LIME1: variants seen among roughly 807,000 people sequenced by gnomAD.
LIME1 encodes lck-interacting transmembrane adapter 1.
In LIME1, 23 loss-of-function variants were observed where a neutral mutation model predicts 18.8. The observed-to-expected ratio is 1.22, with a 90% CI of 0.88 to 1.73. LIME1 has a LOEUF of 1.73. LIME1 is among the 40% of genes most tolerant of loss of function. LIME1 has a pLI of 0.00. For synonymous variants in LIME1, 177 were observed against 182.3 expected, an observed-to-expected ratio of 0.97 and a Z score of 0.23; for missense variants, 423 against 396.8, an observed-to-expected ratio of 1.07 and a Z score of -0.56.
chr20:63,738,944 C>A lies in LIME1; in HGVS notation c.*44C>A. On this transcript the variant is annotated 3_prime_UTR_variant, in exon 6 of 6. Coordinates refer to ENST00000309546, the MANE Select transcript of LIME1 (RefSeq NM_017806.4). ...TCCTTCCTCCAGAGTGAGGCCCGTC[C>A]CCCGCCCCGCCCCGCCTCACAGCTG... 1 of 1,414,082 alleles carries A rather than the reference C, an allele frequency of 7.1e-7. No homozygotes were observed. The highest frequency in any genetic ancestry group is 9.4e-7 in the Non-Finnish European group (1 of 1,065,844). The allele number at this position is 1,414,082 out of a possible 1,614,324, so 87.6% of individuals were successfully genotyped here.
rs1163073943 is a variant in LIME1, at chr20:63,738,481, G to A, written c.567G>A (p.Glu189=). Residue 189 remains glutamate (E), a synonymous_variant, in exon 5 of 6, where the codon GAG becomes GAA. Coordinates refer to ENST00000309546, the MANE Select transcript of LIME1 (RefSeq NM_017806.4). The part of the protein sequence containing the change: ...SPQEPQQGKT[E]VTPAAQVDVL... ...AAGAGCCACAGCAGGGGAAGACTGA[G>A]GTGACCCCGGCCGCTCAGGTAACGT... 4 of 1,518,672 alleles carry A rather than the reference G, an allele frequency of 2.6e-6. No individual in the cohort carries two copies. The highest frequency in any genetic ancestry group is 3.5e-6 in the Non-Finnish European group (4 of 1,134,006). The allele number at this position is 1,518,672 out of a possible 1,614,324, so 94.1% of individuals were successfully genotyped here.
intron 4 of LIME1, 41 bp downstream of exon 4, chr20:63,738,101 C>G (rs566864132): frequency 6.6e-7 from 1 of 1,519,748 alleles, no homozygotes; most frequent in African/African-American, 1.4e-5. Context: ...GCGGGGCTTA[C>G]TGTGCAGCGC....
At position 63,737,842 on chromosome 20, in the gene LIME1, C is replaced by T. The variant is rs1206453338; in HGVS notation, c.120C>T (p.Pro40=). 4.5e-6 allele frequency: 7 copies of T among 1,549,060 alleles called. No homozygotes were observed. The highest frequency in any genetic ancestry group is 2.4e-5 in the East Asian group (1 of 42,180). Residue 40 remains proline (P), a synonymous_variant, in exon 3 of 6, where the codon CCC becomes CCT. Coordinates refer to ENST00000309546, the MANE Select transcript of LIME1 (RefSeq NM_017806.4). The part of the protein sequence containing the change: ...ACRRPEDAVA[P]RKRARRQRAR... ...CAAGGCCCGAGGACGCTGTAGCCCC[C>T]AGGAAGAGGGCGCGGAGGCAGCGGG...
rs769633441 is a variant in LIME1 at position 63,737,824 on chromosome 20, C to T, written c.102C>T (p.Pro34=). ...LWALCTACRR[P]EDAVAPRKRA... ...GCCCCCCACCTCTACCCCCAAGGCCCGAGGACGCTGTAGCCCCCAGGAAGA... is the reference window on the plus strand; with the variant it reads ...GCCCCCCACCTCTACCCCCAAGGCCTGAGGACGCTGTAGCCCCCAGGAAGA... The change falls in exon 3 of 6, where the codon CCC becomes CCT. Residue 34 remains proline (P), a synonymous_variant. Transcript: ENST00000309546. 17 of 1,513,808 alleles carry T rather than the reference C, an allele frequency of 1.1e-5. 1 individual carries two copies. The highest frequency in any genetic ancestry group is 2.5e-5 in the South Asian group (2 of 80,450). 93.8% of individuals were successfully genotyped at this position (1,513,808 alleles called of 1,614,324 possible). A position where few individuals can be genotyped will look rare whatever the true frequency, so the allele number is the denominator to read the frequency against.
At chr20:63,735,936 A>G (rs753348164), upstream of LIME1, 7 of 1,601,916 alleles carry the variant, frequency 4.4e-6, no homozygotes, top group African/African-American at 6.7e-5. Context: ...CACAAGCACT[A>G]TGGACGAAGC....
At chr20:63,735,957 A>C (rs2091986292), upstream of LIME1, 1 of 1,586,418 alleles carries the variant, frequency 6.3e-7, no homozygotes, top group South Asian at 1.1e-5. Context: ...GTGGGACCCC[A>C]GCACGGGCTG....
chr20:63,737,822 C>T lies in LIME1; in HGVS notation c.100C>T (p.Pro34Ser), dbSNP rs747739164. 2.0e-6 allele frequency: 3 copies of T among 1,475,744 alleles called. No individual in the cohort carries two copies. The Admixed American group carries it at 6.4e-5, about 32-fold the overall frequency. 91.4% of individuals were successfully genotyped at this position (1,475,744 alleles called of 1,614,324 possible). Residue 34 changes from proline (P) to serine (S), a missense_variant and splice_region_variant, in exon 3 of 6, where the codon CCC becomes TCC. Coordinates refer to ENST00000309546, the MANE Select transcript of LIME1 (RefSeq NM_017806.4). The part of the protein sequence containing the change: ...LWALCTACRR[P>S]EDAVAPRKRA... ...CCGCCCCCCACCTCTACCCCCAAGGCCCGAGGACGCTGTAGCCCCCAGGAA... is the reference window on the plus strand; with the variant it reads ...CCGCCCCCCACCTCTACCCCCAAGGTCCGAGGACGCTGTAGCCCCCAGGAA...
Position 63,738,265 on chromosome 20 carries a change from C to G in LIME1, c.351C>G (p.Pro117=), listed in dbSNP as rs781055457. The change falls in exon 5 of 6, where the codon CCC becomes CCG. Residue 117 remains proline, a synonymous_variant. Coordinates refer to ENST00000309546, the MANE Select transcript of LIME1 (RefSeq NM_017806.4). The stretch of plus-strand genomic sequence containing the variant: ...ACATCACCGGACCGCAGGCAGCCCC[C>G]TCTGCCTTCCCACACCAGGAGCTGC... The part of the protein sequence containing the change: ...SRDITGPQAA[P]SAFPHQELPR... 6 of 1,586,266 alleles carry G rather than the reference C, an allele frequency of 3.8e-6. No homozygotes were observed. The East Asian group carries it at 1.4e-4, about 36-fold the overall frequency.
rs745423539 is a variant in LIME1, at chr20:63,737,956, G to A, written c.181-17G>A. 5 of 1,569,386 alleles carry A rather than the reference G, an allele frequency of 3.2e-6. No homozygotes were observed. In the East Asian group the frequency reaches 9.3e-5, roughly 29 times the overall value. ...GGTGGGGTCCGCAGGGCACCGACCAGCCTTCCTCGCCCCCAGTCCCTACTG... is the reference window on the plus strand; with the variant it reads ...GGTGGGGTCCGCAGGGCACCGACCAACCTTCCTCGCCCCCAGTCCCTACTG... On this transcript the variant is annotated splice_polypyrimidine_tract_variant and intron_variant, in intron 3 of 5. Coordinates refer to ENST00000309546, the MANE Select transcript of LIME1 (RefSeq NM_017806.4).
Position 63,737,918 on chromosome 20 carries a change from T to C in LIME1, c.180+16T>C. On this transcript the variant is annotated intron_variant, in intron 3 of 5. Transcript: ENST00000309546. ...GGCGGAAGCGGTGAGTGCCAGGCTGTCCCGGGGACCAGGGTGGGGTCCGCA... is the reference window on the plus strand; with the variant it reads ...GGCGGAAGCGGTGAGTGCCAGGCTGCCCCGGGGACCAGGGTGGGGTCCGCA... The C allele has an allele frequency of 6.3e-7, 1 of 1,580,080 alleles. No homozygotes were observed. Among genetic ancestry groups the C allele is most frequent in the Non-Finnish European group, 8.6e-7 (1 of 1,164,740 alleles).
intron 3 of LIME1, 27 bp from the exon 4 acceptor site, chr20:63,737,946 G>T: frequency 6.3e-7 from 1 of 1,574,902 alleles, no homozygotes; most frequent in South Asian, 1.1e-5. Context: ...GGTCCGCAGG[G>T]CACCGACCAG....
At chr20:63,737,041 C>G (rs1318260991) in intron 1 of LIME1, 2 of 986,746 alleles carry the variant, frequency 2.0e-6, no homozygotes, top group East Asian at 1.1e-4. Context: ...GACCCAGCCT[C>G]CAGCTCCTCC....
rs559161554 is a variant in LIME1, at chr20:63,737,270, C to T, written c.-17-263C>T. 8.4e-4 allele frequency: 1,023 copies of T among 1,224,876 alleles called. 9 individuals are homozygous for T. In the African/African-American group the frequency reaches 0.015, roughly 18 times the overall value. 75.9% of individuals were successfully genotyped at this position (1,224,876 alleles called of 1,614,324 possible). A position where few individuals can be genotyped will look rare whatever the true frequency, so the allele number is the denominator to read the frequency against. Reference sequence around the variant, plus strand: ...CAGCTGTCTTGCCCCTCCTCACGGCCGTGCTGGGTGTTACCGTGGTCACCC... The same window carrying T: ...CAGCTGTCTTGCCCCTCCTCACGGCTGTGCTGGGTGTTACCGTGGTCACCC... On this transcript the variant is annotated intron_variant, in intron 1 of 5. Transcript: ENST00000309546.
In LIME1 at chr20:63,738,493, C is replaced by T. The variant is rs1369686961; in HGVS notation, c.579C>T (p.Ala193=). The T allele has an allele frequency of 6.6e-6, 10 of 1,513,676 alleles. No homozygotes were observed. Among genetic ancestry groups the T allele is most frequent in the Non-Finnish European group, 8.8e-6 (10 of 1,131,606 alleles). 93.8% of individuals were successfully genotyped at this position (1,513,676 alleles called of 1,614,324 possible). Reference sequence around the variant, plus strand: ...AGGGGAAGACTGAGGTGACCCCGGCCGCTCAGGTAACGTGGGCCAGGGTAG... The same window carrying T: ...AGGGGAAGACTGAGGTGACCCCGGCTGCTCAGGTAACGTGGGCCAGGGTAG... ...PQQGKTEVTP[A]AQVDVLYSRV... Residue 193 remains alanine, a synonymous_variant, in exon 5 of 6, where the codon GCC becomes GCT. Coordinates refer to ENST00000309546, the MANE Select transcript of LIME1 (RefSeq NM_017806.4).
chr20:63,737,119 T>G (rs1353855498), intron 1 of LIME1: 3 of 992,568 alleles, frequency 3.0e-6, no homozygotes, highest in African/African-American at 3.5e-5. Flanking sequence ...AGCGAGCGGC[T>G]TGGGGGCACT....
At chr20:63,736,250 CCTT>C, upstream of LIME1, 1 of 300,732 alleles carries the variant, frequency 3.3e-6, no homozygotes, top group Non-Finnish European at 6.3e-6. Context: ...CGGCATTCTC[CCTT>C]CTTACCCTTC....
chr20:63,738,041 G>T lies in LIME1; in HGVS notation c.249G>T (p.Arg83=). 6.4e-7 allele frequency: 1 copy of T among 1,553,376 alleles called. No homozygotes were observed. The change falls in exon 4 of 6, where the codon CGG becomes CGT. Residue 83 remains arginine, a synonymous_variant. Coordinates refer to ENST00000309546, the MANE Select transcript of LIME1 (RefSeq NM_017806.4). ...ACACCAGACTGCACGAGCTGCACCGGGGCCCGCGCAGCAGCAGGGGTGAGC... is the reference window on the plus strand; with the variant it reads ...ACACCAGACTGCACGAGCTGCACCGTGGCCCGCGCAGCAGCAGGGGTGAGC... ...KSDTRLHELH[R]GPRSSRALRP... is the part of the protein sequence containing the mutation.
intron 4 of LIME1, 27 bp downstream of exon 4, chr20:63,738,087 C>T: frequency 2.9e-6 from 2 of 683,534 alleles, no homozygotes; most frequent in Non-Finnish European, 4.3e-6. Flanking sequence ...GCGGGGGCGG[C>T]CGGGCGGGGC....
In LIME1 at chr20:63,738,447, G is replaced by T; in HGVS notation, c.533G>T (p.Arg178Leu). ...ARVQKRKGTH[R>L]SPQEPQQGKT... The stretch of plus-strand genomic sequence containing the variant: ...GTCCAGAAGCGCAAAGGGACCCATC[G>T]CAGTCCCCAAGAGCCACAGCAGGGG... The change falls in exon 5 of 6, where the codon CGC becomes CTC. Residue 178 changes from arginine to leucine, a missense_variant. Physicochemically the swap from Arg to Leu is moderately radical, Grantham distance 102. Coordinates refer to ENST00000309546, the MANE Select transcript of LIME1 (RefSeq NM_017806.4). 3 of 1,536,400 alleles carry T rather than the reference G, an allele frequency of 2.0e-6. No homozygotes were observed. Among genetic ancestry groups the T allele is most frequent in the Non-Finnish European group, 2.6e-6 (3 of 1,141,426 alleles).
Sources: allele counts gnomAD v4.1 joint callset, GRCh38; gene constraint gnomAD v4.1.1; transcripts MANE v1.5; gene names NCBI Gene and HGNC (gene_info 2026-07-23, HGNC 2026-07-21).